The following SEC24D variants were observed in gnomAD, a reference collection of about 807,000 sequenced individuals.
SEC24D encodes the protein SEC24 homolog D, COPII component, also known as protein transport protein Sec24D.
In SEC24D, 69 loss-of-function variants were observed where a neutral mutation model predicts 116.9. The ratio of observed to expected loss-of-function variants is 0.59; its 90% CI spans 0.49 to 0.72. The LOEUF (loss-of-function observed/expected upper bound fraction) is 0.72. Among genes scored for constraint, SEC24D ranks in the 30% least tolerant of loss-of-function variants. The pLI is 0.00. For synonymous variants in SEC24D, 405 were observed against 442.8 expected, an observed-to-expected ratio of 0.91 and a Z score of 1.07; for missense variants, 1,131 against 1,264.1, an observed-to-expected ratio of 0.89 and a Z score of 1.60.
chr4:118,767,128 A>G (rs896947327), intron 9 of SEC24D, among the ~76,000 whole-genome samples: 6 of 152,244 alleles, frequency 3.9e-5, no homozygotes, highest in African/African-American at 1.4e-4. Context: ...AACTGACCAA[A>G]GGTCTGCATG....
At chr4:118,734,397 G>C (rs1725852720) in intron 19 of SEC24D, among the ~76,000 whole-genome samples, 1 of 151,778 alleles carries the variant, frequency 6.6e-6, no homozygotes, top group Non-Finnish European at 1.5e-5. Flanking sequence ...TTTTTTAGTA[G>C]AGATGGGGTT....
rs1729690091 is a variant in SEC24D, at chr4:118,806,616, A to G, written c.802-662T>C. Among the ~76,000 whole-genome samples, 11 of 151,998 alleles carry G rather than the reference A, an allele frequency of 7.2e-5. No individual in the cohort carries two copies. The South Asian group carries it at 2.3e-3, about 32-fold the overall frequency. On this transcript the variant is annotated intron_variant, in intron 6 of 22. Transcript: ENST00000280551. Reference sequence around the variant, plus strand: ...TCAAAGTGTTGGTGTTACAGGTGTGAGCCACTGCACCTGGCCAGCATTTTC... The same window carrying G: ...TCAAAGTGTTGGTGTTACAGGTGTGGGCCACTGCACCTGGCCAGCATTTTC...
At chr4:118,764,224 A>G (rs1031912146) in intron 10 of SEC24D, among the ~76,000 whole-genome samples, 2 of 152,144 alleles carry the variant, frequency 1.3e-5, no homozygotes, top group Non-Finnish European at 2.9e-5. Flanking sequence ...AATTTTTTAG[A>G]AAAGAAATAA....
intron 7 of SEC24D, among the ~76,000 whole-genome samples, chr4:118,800,297 A>G (rs1337007863): frequency 6.6e-6 from 1 of 152,176 alleles, no homozygotes; most frequent in Non-Finnish European, 1.5e-5. Context: ...TATGTTGGGA[A>G]GTTTATGGTC....
intron 16 of SEC24D, 34 bp downstream of exon 16, chr4:118,740,907 G>A (rs989215921): frequency 1.3e-6 from 2 of 1,589,462 alleles, no homozygotes; most frequent in Non-Finnish European, 1.7e-6. Flanking sequence ...AATTATTCAA[G>A]AGAGACCCGA....
chr4:118,771,480 C>T (rs944725584), intron 8 of SEC24D, among the ~76,000 whole-genome samples: 2 of 152,064 alleles, frequency 1.3e-5, no homozygotes, highest in Non-Finnish European at 2.9e-5. Context: ...GAATCTTTTC[C>T]TTGTATTTTT....
At chr4:118,791,714 C>T (rs1452796394) in intron 8 of SEC24D, among the ~76,000 whole-genome samples, 1 of 152,124 alleles carries the variant, frequency 6.6e-6, no homozygotes, top group Non-Finnish European at 1.5e-5. Flanking sequence ...TTGGTGGATA[C>T]GGGGTTTCGC....
intron 8 of SEC24D, among the ~76,000 whole-genome samples, chr4:118,785,858 G>C (rs1728646321): frequency 6.6e-6 from 1 of 152,102 alleles, no homozygotes; most frequent in African/African-American, 2.4e-5. Context: ...CAGTTTCTAA[G>C]TAAATATAAA....
chr4:118,760,331 C>T (rs1727311663), intron 10 of SEC24D: 1 of 152,238 alleles, frequency 6.6e-6, no homozygotes, highest in South Asian at 2.1e-4. Context: ...TTTCCTCTCT[C>T]CAGCACCTGG....
chr4:118,726,565 G>A (rs1394950837), intron 22 of SEC24D, among the ~76,000 whole-genome samples: 1 of 152,142 alleles, frequency 6.6e-6, no homozygotes, highest in Non-Finnish European at 1.5e-5. Flanking sequence ...AAGGGAAGCA[G>A]AATCTTGGAG....
At chr4:118,827,009 G>A (rs931591890) in intron 2 of SEC24D, among the ~76,000 whole-genome samples, 7 of 152,222 alleles carry the variant, frequency 4.6e-5, no homozygotes, top group African/African-American at 1.7e-4. Context: ...ATTGAGAAGA[G>A]TTCAAAGAAG....
chr4:118,733,240 C>A, intron 19 of SEC24D: 1 of 143,368 alleles, frequency 7.0e-6, no homozygotes. Flanking sequence ...GTCTTTTTCT[C>A]AGTGTTTTTT....
At chr4:118,808,990 T>C (rs1729788054) in intron 6 of SEC24D, among the ~76,000 whole-genome samples, 1 of 152,084 alleles carries the variant, frequency 6.6e-6, no homozygotes, top group South Asian at 2.1e-4. Flanking sequence ...TTTTTTTTTT[T>C]TGAGACAGAG....
rs767955744 is a variant in SEC24D, at chr4:118,736,552, T to C, written c.2496+1709A>G. 39 of 332,350 alleles carry C rather than the reference T, an allele frequency of 1.2e-4. No homozygotes were observed. The Middle Eastern group carries it at 5.6e-3, about 48-fold the overall frequency. The allele number at this position is 332,350 out of a possible 1,614,324, so 20.6% of individuals were successfully genotyped here. A position where few individuals can be genotyped will look rare whatever the true frequency, so the allele number is the denominator to read the frequency against. On this transcript the variant is annotated intron_variant, in intron 19 of 22. Coordinates refer to ENST00000280551, the MANE Select transcript of SEC24D (RefSeq NM_014822.4). ...AGGAATCTCTCCATCTTCATAGATA[T>C]TATTTTTCACAAGTGAACTGTAGGA...
chr4:118,731,400 G>A lies in SEC24D; in HGVS notation c.2784C>T (p.Phe928=), dbSNP rs79301273. ...GTGGGCTGCTTACTCCCAACCACAG[G>A]AACATGTGTAGACCATTAGCCAGTA... ...IFLLANGLHM[F]LWLGVSSPPE... is the part of the protein sequence containing the mutation. Residue 928 remains phenylalanine (F), a synonymous_variant, in exon 21 of 23, where the codon TTC becomes TTT. Coordinates refer to ENST00000280551, the MANE Select transcript of SEC24D (RefSeq NM_014822.4). 588 of 1,614,056 alleles carry A rather than the reference G, an allele frequency of 3.6e-4. No individual in the cohort carries two copies. The highest frequency in any genetic ancestry group is 2.8e-3 in the Middle Eastern group (17 of 6,062).
At position 118,809,934 on chromosome 4, in the gene SEC24D, T is replaced by C. The variant is rs1398831144; in HGVS notation, c.802-3980A>G. ...ACATGAGCTGTGCCCTGCATACATC[T>C]AGGGGAAGAGCATCTAAGCAGAATA... On this transcript the variant is annotated intron_variant, in intron 6 of 22. Transcript: ENST00000280551. Among the ~76,000 whole-genome samples the C allele has an allele frequency of 2.6e-5, 4 of 152,058 alleles. No individual in the cohort carries two copies. In the East Asian group the frequency reaches 7.7e-4, roughly 29 times the overall value.
intron 8 of SEC24D, among the ~76,000 whole-genome samples, chr4:118,772,800 C>G (rs1486723950): frequency 6.6e-6 from 1 of 152,148 alleles, no homozygotes; most frequent in Non-Finnish European, 1.5e-5. Context: ...TTTTCTAAAG[C>G]AAACGCCTAG....
At chr4:118,732,976 A>C (rs1725772569) in intron 19 of SEC24D, 64 bp from the exon 20 acceptor site, 7 of 1,361,512 alleles carry the variant, frequency 5.1e-6, no homozygotes, top group Non-Finnish European at 7.2e-6. Context: ...CCTGAGCTTC[A>C]TCTGTAAGAC....
chr4:118,777,259 T>A (rs1035787011), intron 8 of SEC24D, among the ~76,000 whole-genome samples: 1 of 152,104 alleles, frequency 6.6e-6, no homozygotes, highest in African/African-American at 2.4e-5. Context: ...ATGCTATCCC[T>A]CCCCCAGCCC....
Sources: gnomAD v4.1 joint callset for allele counts (sites outside exome capture counted in the v4.1 genomes callset) on GRCh38, gnomAD v4.1.1 for gene constraint, MANE v1.5 for transcripts, NCBI Gene and HGNC (gene_info 2026-07-23, HGNC 2026-07-21) for gene names.